NLRP11: variants seen among roughly 807,000 people sequenced by gnomAD.
The protein encoded by NLRP11 is NACHT, LRR and PYD domains-containing protein 11.
Under a neutral mutation model 79.3 loss-of-function variants are expected in NLRP11, and 53 were observed. The ratio of observed to expected loss-of-function variants is 0.67; its 90% CI spans 0.54 to 0.84. The LOEUF (loss-of-function observed/expected upper bound fraction) is 0.84. NLRP11 is among the 40% of genes least tolerant of loss of function. The probability of loss-of-function intolerance (pLI) is 0.00; values close to 1 mark genes in which losing one functional copy is unlikely to be tolerated. For missense variants in NLRP11, 1,264 were observed against 1,255.0 expected (o/e 1.01, Z -0.11); for synonymous variants, 518 against 462.6 (o/e 1.12, Z -1.54).
exon 10 of NLRP11, chr19:55,785,728 C>A: frequency 6.2e-7 from 1 of 1,614,060 alleles, no homozygotes; most frequent in Non-Finnish European, 8.5e-7. Context: ...TATTATTGAA[C>A]CTGGCTGAGA....
chr19:55,785,798 T>G lies in NLRP11; in HGVS notation c.2929A>C (p.Ile977Leu), dbSNP rs116820715. Residue 977 changes from isoleucine to leucine, a missense_variant, in exon 10 of 10, where the codon ATC (isoleucine) becomes CTC (leucine). Physicochemically the swap from Ile to Leu is conservative, Grantham distance 5 (BLOSUM62 2). Transcript: ENST00000589093. Reference sequence around the variant, plus strand: ...AAAGACCAAGTTTCAGACAGAAAGATCAAACTGGGTTTTCTTTCCTTTACA... The same window carrying G: ...AAAGACCAAGTTTCAGACAGAAAGAGCAAACTGGGTTTTCTTTCCTTTACA... 9.6e-3 allele frequency: 15,451 copies of G among 1,614,088 alleles called. 91 individuals carry two copies. Among genetic ancestry groups the G allele is most frequent in the Non-Finnish European group, 0.012 (13,820 of 1,179,914 alleles).
exon 10 of NLRP11, chr19:55,785,790 C>T (rs1188534692): frequency 6.2e-7 from 1 of 1,614,098 alleles, no homozygotes; most frequent in East Asian, 2.2e-5. Flanking sequence ...AAGTTTCAGA[C>T]AGAAAGATCA....
At chr19:55,794,061 C>T (rs1022983748) in intron 6 of NLRP11, among the ~76,000 whole-genome samples, 1 of 152,098 alleles carries the variant, frequency 6.6e-6, no homozygotes, top group Non-Finnish European at 1.5e-5. Context: ...GTTACCAAAA[C>T]AAATATTTTT....
At chr19:55,787,634 G>A (rs1345760376) in intron 9 of NLRP11, among the ~76,000 whole-genome samples, 2 of 152,210 alleles carry the variant, frequency 1.3e-5, no homozygotes, top group Non-Finnish European at 2.9e-5. Flanking sequence ...ACAGCACCTG[G>A]CCAAATTTGC....
chr19:55,830,598 T>TTAAAAAAAAAAA (rs752782865), intron 1 of NLRP11, among the ~76,000 whole-genome samples: 1 of 129,226 alleles, frequency 7.7e-6, no homozygotes, highest in African/African-American at 3.0e-5. Context: ...CTTAGCTTCC[T>TTAAAAAAAAAAA]AAAAAAAAAA....
At chr19:55,822,655 C>T (rs1203369616) in intron 1 of NLRP11, among the ~76,000 whole-genome samples, 1 of 150,484 alleles carries the variant, frequency 6.6e-6, no homozygotes, top group East Asian at 1.9e-4. Context: ...GGGTGACGGA[C>T]GCACCTGGAA....
intron 5 of NLRP11, 90 bp from the exon 6 acceptor site, chr19:55,796,340 C>T: frequency 9.6e-7 from 1 of 1,037,648 alleles, no homozygotes; most frequent in Non-Finnish European, 1.4e-6. Flanking sequence ...AGAGACCTAA[C>T]CAAGTGCGAT....
chr19:55,789,768 C>T (rs1324254681), intron 7 of NLRP11, among the ~76,000 whole-genome samples: 1 of 152,240 alleles, frequency 6.6e-6, no homozygotes, highest in African/African-American at 2.4e-5. Context: ...ATTCACGTTT[C>T]TGCCTTTCAG....
At chr19:55,785,484 G>A in exon 10 of NLRP11, 1 of 725,570 alleles carries the variant, frequency 1.4e-6, no homozygotes, top group South Asian at 1.9e-5. Context: ...GTGGTTGACT[G>A]GATCAAGGTC....
chr19:55,809,138 A>T lies in NLRP11; in HGVS notation c.1472T>A (p.Val491Glu). ...TAGAAGACCAAAAATGAAAGTAAACACTTGATTAAAGTCAGAGTATTGTTC... is the reference window on the plus strand; with the variant it reads ...TAGAAGACCAAAAATGAAAGTAAACTCTTGATTAAAGTCAGAGTATTGTTC... Residue 491 changes from valine to glutamate, a missense_variant, in exon 3 of 10, where the codon GTG becomes GAG. Val to Glu is a moderately radical substitution (Grantham distance 121). Coordinates refer to ENST00000589093, the Ensembl canonical transcript of NLRP11. This position sits in a 1 kb window ranked among gnomAD's most constrained non-coding sequence, Gnocchi z 4.5. 1 of 1,613,958 alleles carries T rather than the reference A, an allele frequency of 6.2e-7. No individual in the cohort carries two copies. Among genetic ancestry groups the T allele is most frequent in the Middle Eastern group, 1.7e-4 (1 of 6,060 alleles).
At chr19:55,795,947 C>T (rs1978803296) in intron 6 of NLRP11, 133 bp downstream of exon 6, 2 of 757,148 alleles carry the variant, frequency 2.6e-6, no homozygotes, top group South Asian at 3.7e-5. Context: ...CCCAGACCTA[C>T]TGAACTCCAA....
At chr19:55,801,882 T>C (rs1447420889) in intron 4 of NLRP11, 143 bp from the exon 5 acceptor site, 5 of 695,170 alleles carry the variant, frequency 7.2e-6, no homozygotes, top group Non-Finnish European at 1.2e-5. Context: ...CTTAAATTTC[T>C]AGTCAGGTCA....
intron 5 of NLRP11, among the ~76,000 whole-genome samples, chr19:55,799,812 C>T (rs1979300605): frequency 6.6e-6 from 1 of 152,022 alleles, no homozygotes; most frequent in East Asian, 1.9e-4. Flanking sequence ...ACTAAAAACA[C>T]AAAAATTAGC....
chr19:55,822,291 G>A (rs1434820469), intron 1 of NLRP11, among the ~76,000 whole-genome samples: 2 of 151,988 alleles, frequency 1.3e-5, no homozygotes, highest in Non-Finnish European at 2.9e-5. Flanking sequence ...GATTGCCTTA[G>A]TCTCATTGGA....
chr19:55,817,879 C>G, intron 2 of NLRP11, 25 bp downstream of exon 2: 1 of 1,573,384 alleles, frequency 6.4e-7, no homozygotes, highest in South Asian at 1.2e-5. Flanking sequence ...TGATTTCTGC[C>G]CACCCTTCTC....
At chr19:55,796,763 T>G (rs113933699) in intron 5 of NLRP11, among the ~76,000 whole-genome samples, 1 of 151,876 alleles carries the variant, frequency 6.6e-6, no homozygotes, top group African/African-American at 2.4e-5. Flanking sequence ...CTCGGCTCAC[T>G]GCAACCTCTG....
intron 1 of NLRP11, among the ~76,000 whole-genome samples, chr19:55,824,770 G>T (rs1211704200): frequency 9.5e-6 from 1 of 104,726 alleles, no homozygotes; most frequent in Admixed American, 9.2e-5. Flanking sequence ...AGCAAGTCCT[G>T]AGTGACCTAC....
chr19:55,792,560 C>T (rs1204601984), intron 6 of NLRP11, 89 bp from the exon 7 acceptor site: 5 of 969,064 alleles, frequency 5.2e-6, no homozygotes, highest in South Asian at 1.4e-5. Flanking sequence ...ACGGGCGCCT[C>T]GATGCCTTCT....
chr19:55,788,921 G>T lies in NLRP11; in HGVS notation c.2741C>A (p.Thr914Asn), dbSNP rs150476919. Reference sequence around the variant, plus strand: ...GAGTCTTTCTAGTGTTTTGTTGGTGGTAAGAACAGAGGCAAGAGATCGACA... The same window carrying T: ...GAGTCTTTCTAGTGTTTTGTTGGTGTTAAGAACAGAGGCAAGAGATCGACA... The change falls in exon 9 of 10, where the codon ACC becomes AAC. Residue 914 changes from threonine to asparagine, a missense_variant. Physicochemically the swap from Thr to Asn is moderately conservative, Grantham distance 65. Coordinates refer to ENST00000589093, the Ensembl canonical transcript of NLRP11. The T allele has an allele frequency of 1.6e-5, 26 of 1,613,894 alleles. 1 individual carries two copies. Among genetic ancestry groups the T allele is most frequent in the African/African-American group, 8.0e-5 (6 of 74,960 alleles).
Sources: allele counts gnomAD v4.1 joint callset (sites outside exome capture counted in the v4.1 genomes callset), GRCh38; gene constraint gnomAD v4.1.1; non-coding constraint Gnocchi (gnomAD v3.1); transcripts MANE v1.5; gene names NCBI Gene and HGNC (gene_info 2026-07-23, HGNC 2026-07-21).